Variants in PRKCA observed in about 807,000 individuals in gnomAD.
PRKCA encodes protein kinase C alpha type.
PRKCA carries 27 observed loss-of-function variants against 87.0 expected under a neutral mutation model. The ratio of observed to expected loss-of-function variants is 0.31; its 90% confidence interval spans 0.23 to 0.43. PRKCA has a LOEUF of 0.43. Ranked by LOEUF, PRKCA falls within the 20% of genes least tolerant of loss-of-function variation. The pLI is 1.00. For synonymous variants in PRKCA, 329 were observed against 311.1 expected (o/e 1.06, Z -0.61); for missense variants, 518 against 852.3 (o/e 0.61, Z 4.88).
Position 66,759,412 on chromosome 17 carries a change from A to G in PRKCA, c.1525-14575A>G, listed in dbSNP as rs72838618. ...GTTGTAAATATATATTGCATATTCT[A>G]GGGCAACCACTAAGAAAAGGAAAAA... On this transcript the variant is annotated intron_variant, in intron 13 of 16. Transcript: ENST00000413366. 7.8e-3 allele frequency among the ~76,000 whole-genome samples: 1,189 copies of G among 152,216 alleles called. 3 individuals are homozygous for G. Among genetic ancestry groups the G allele is most frequent in the South Asian group, 0.015 (74 of 4,820 alleles).
rs561159349 is a variant in PRKCA, at chr17:66,584,727, G to A, written c.289-56628G>A. On this transcript the variant is annotated intron_variant, in intron 3 of 16. Transcript: ENST00000413366. ...CCATTCTCTGCCAATGTCTTCACAC[G>A]GCCTTCTTCCCTTTGGCTCTGTCAA... Among the ~76,000 whole-genome samples the A allele has an allele frequency of 5.9e-5, 9 of 152,110 alleles. No individual in the cohort carries two copies. In the East Asian group the frequency reaches 1.7e-3, roughly 30 times the overall value.
chr17:66,561,695 G>A (rs971031412), intron 3 of PRKCA, among the ~76,000 whole-genome samples: 1 of 152,042 alleles, frequency 6.6e-6, no homozygotes, highest in Non-Finnish European at 1.5e-5. Context: ...AACAAAATGT[G>A]GTAACTACAT....
intron 2 of PRKCA, among the ~76,000 whole-genome samples, chr17:66,443,759 G>GA (rs1261340326): frequency 1.2e-5 from 1 of 80,774 alleles, no homozygotes; most frequent in Non-Finnish European, 2.8e-5. Flanking sequence ...GGCAGGGGGA[G>GA]AAGTTAGCTA....
intron 8 of PRKCA, among the ~76,000 whole-genome samples, chr17:66,698,194 A>AG (rs1414766561): frequency 2.0e-5 from 3 of 152,208 alleles, no homozygotes; most frequent in Non-Finnish European, 4.4e-5. Context: ...AAGACTTCAA[A>AG]GGACAGCACT....
rs976278998 is a variant in PRKCA at position 66,808,736 on chromosome 17, G to C, written c.*4699G>C. ...ATTTATTTATTTATTTTGAGATGGA[G>C]TTTCACTCTTGTTGCCCAGGCTGGA... On this transcript the variant is annotated 3_prime_UTR_variant, in exon 17 of 17. Coordinates refer to ENST00000413366, the MANE Select transcript of PRKCA (RefSeq NM_002737.3). The C allele has an allele frequency of 5.3e-5, 8 of 152,226 alleles. No homozygotes were observed. Among genetic ancestry groups the C allele is most frequent in the African/African-American group, 1.9e-4 (8 of 41,418 alleles). 9.4% of individuals were successfully genotyped at this position (152,226 alleles called of 1,614,324 possible). A position where few individuals can be genotyped will look rare whatever the true frequency, so the allele number is the denominator to read the frequency against.
intron 3 of PRKCA, among the ~76,000 whole-genome samples, chr17:66,569,924 G>T (rs1352791931): frequency 1.3e-5 from 2 of 152,098 alleles, no homozygotes; most frequent in Non-Finnish European, 2.9e-5. Flanking sequence ...AAACATGCAT[G>T]TGTACCCCAA....
chr17:66,303,089 T>G (rs946262536), intron 1 of PRKCA, 65 bp downstream of exon 1: 2 of 1,564,962 alleles, frequency 1.3e-6, no homozygotes, highest in Admixed American at 3.7e-5. Context: ...CACCCGGCGC[T>G]CCGGCGCGTC....
intron 6 of PRKCA, 133 bp from the exon 7 acceptor site, chr17:66,688,169 G>T (rs928317098): frequency 3.6e-6 from 4 of 1,104,482 alleles, no homozygotes; most frequent in East Asian, 2.5e-5. Context: ...CAGCATAAGG[G>T]GTTGGTATTT....
intron 16 of PRKCA, among the ~76,000 whole-genome samples, chr17:66,791,835 G>A (rs1009799873): frequency 6.6e-6 from 1 of 152,220 alleles, no homozygotes; most frequent in African/African-American, 2.4e-5. Context: ...AACTAGCGGC[G>A]TAGAAAAGTT....
chr17:66,665,892 A>G (rs539554681), intron 5 of PRKCA, among the ~76,000 whole-genome samples: 3 of 152,320 alleles, frequency 2.0e-5, no homozygotes, highest in Admixed American at 6.5e-5. Flanking sequence ...AGGAAAGGCA[A>G]TAGCATCTGA....
chr17:66,770,173 G>A (rs1974901104), intron 13 of PRKCA, among the ~76,000 whole-genome samples: 1 of 152,210 alleles, frequency 6.6e-6, no homozygotes, highest in South Asian at 2.1e-4. Context: ...GCAGATCCAA[G>A]TATGTGTAAG....
chr17:66,748,146 A>T (rs1274257832), intron 13 of PRKCA, among the ~76,000 whole-genome samples: 1 of 152,246 alleles, frequency 6.6e-6, no homozygotes, highest in Non-Finnish European at 1.5e-5. Context: ...GCCTATCAGC[A>T]GATGGGCATA....
intron 3 of PRKCA, among the ~76,000 whole-genome samples, chr17:66,508,007 G>C (rs1008361823): frequency 6.6e-6 from 1 of 152,164 alleles, no homozygotes; most frequent in African/African-American, 2.4e-5. Flanking sequence ...CATTATAACT[G>C]TGTTATTTTA....
chr17:66,762,472 C>A (rs770758015), intron 13 of PRKCA, among the ~76,000 whole-genome samples: 11 of 152,192 alleles, frequency 7.2e-5, no homozygotes, highest in Admixed American at 2.0e-4. Context: ...CAGCTCCTGG[C>A]CTCCAGCAGT....
At chr17:66,655,576 T>G (rs931411531) in intron 5 of PRKCA, among the ~76,000 whole-genome samples, 1 of 152,240 alleles carries the variant, frequency 6.6e-6, no homozygotes, top group Non-Finnish European at 1.5e-5. Context: ...TTATGAGATT[T>G]CACCTGTGTG....
chr17:66,367,307 T>C (rs1187014014), intron 2 of PRKCA, among the ~76,000 whole-genome samples: 2 of 152,210 alleles, frequency 1.3e-5, no homozygotes, highest in African/African-American at 4.8e-5. Flanking sequence ...GCTTGGAACC[T>C]GAGCTAAGAA....
At chr17:66,587,841 GTATCTACATATACATATATACATA>G (rs1567917139) in intron 3 of PRKCA, among the ~76,000 whole-genome samples, 3 of 137,986 alleles carry the variant, frequency 2.2e-5, no homozygotes, top group Non-Finnish European at 4.7e-5. Context: ...GTATATGTGT[GTATCTACATATACATATATACATA>G]TGTATGTGTG....
intron 2 of PRKCA, among the ~76,000 whole-genome samples, chr17:66,335,331 G>A (rs1196073124): frequency 6.6e-6 from 1 of 151,846 alleles, no homozygotes; most frequent in Non-Finnish European, 1.5e-5. Flanking sequence ...GACGAGGTGT[G>A]ACTATGTTGC....
intron 8 of PRKCA, among the ~76,000 whole-genome samples, chr17:66,726,645 C>T (rs749913330): frequency 2.0e-5 from 3 of 151,260 alleles, no homozygotes; most frequent in Non-Finnish European, 2.9e-5. Context: ...CAGAGCAGAG[C>T]GAGTGTCCTC....
Sources: gnomAD v4.1 joint callset for allele counts (sites outside exome capture counted in the v4.1 genomes callset) on GRCh38, gnomAD v4.1.1 for gene constraint, MANE v1.5 for transcripts, NCBI Gene and HGNC (gene_info 2026-07-23, HGNC 2026-07-21) for gene names.